Variants in DLGAP2 observed in about 807,000 individuals in gnomAD.
DLGAP2 encodes DLG associated protein 2, also known as disks large-associated protein 2.
Under a neutral mutation model 100.3 loss-of-function variants are expected in DLGAP2, and 26 were observed. The observed-to-expected ratio is 0.26, with a 90% CI of 0.19 to 0.36. The LOEUF (loss-of-function observed/expected upper bound fraction) is 0.36. DLGAP2 is among the 10% of genes least tolerant of loss of function. The probability of loss-of-function intolerance (pLI) is 1.00; values close to 1 mark genes in which losing one functional copy is unlikely to be tolerated. For synonymous variants in DLGAP2, 886 were observed against 630.1 expected (o/e 1.41, Z -6.08); for missense variants, 1,858 against 1,453.2 (o/e 1.28, Z -4.53).
chr8:1,464,202 ACAACACCC>A (rs1798543733), intron 3 of DLGAP2, among the ~76,000 whole-genome samples: 1 of 151,700 alleles, frequency 6.6e-6, no homozygotes, highest in Non-Finnish European at 1.5e-5. Flanking sequence ...CCCTTCCAGG[ACAACACCC>A]TTCCAGGACG....
chr8:797,405 G>T (rs1024775712), intron 1 of DLGAP2, among the ~76,000 whole-genome samples: 1 of 152,176 alleles, frequency 6.6e-6, no homozygotes, highest in Non-Finnish European at 1.5e-5. Flanking sequence ...TATTGTTGAT[G>T]ATCAATCTTC....
chr8:1,459,159 C>T (rs563653991), intron 3 of DLGAP2, among the ~76,000 whole-genome samples: 1 of 143,620 alleles, frequency 7.0e-6, no homozygotes, highest in African/African-American at 2.7e-5. Context: ...GACCAGCGTG[C>T]GTCCCAGACA....
chr8:1,137,538 A>G (rs1008746773), intron 2 of DLGAP2: 10 of 152,176 alleles, frequency 6.6e-5, no homozygotes, highest in African/African-American at 2.4e-4. Flanking sequence ...TGTTTAATTG[A>G]CTACGATGGG....
intron 3 of DLGAP2, among the ~76,000 whole-genome samples, chr8:1,276,117 T>C (rs1167012731): frequency 6.9e-6 from 1 of 144,538 alleles, no homozygotes; most frequent in Non-Finnish European, 1.5e-5. Flanking sequence ...ATATATATAA[T>C]ATATATAAAT....
intron 2 of DLGAP2, among the ~76,000 whole-genome samples, chr8:1,046,156 A>G (rs1802508831): frequency 6.6e-6 from 1 of 152,162 alleles, no homozygotes; most frequent in African/African-American, 2.4e-5. Context: ...ATTAGCAGAA[A>G]CCATATTTCT....
At chr8:1,130,396 C>T (rs1015688239) in intron 2 of DLGAP2, among the ~76,000 whole-genome samples, 1 of 152,166 alleles carries the variant, frequency 6.6e-6, no homozygotes, top group Non-Finnish European at 1.5e-5. Context: ...TGACGATTGA[C>T]ATTCAAAGTA....
intron 1 of DLGAP2, among the ~76,000 whole-genome samples, chr8:748,022 G>C (rs1213776635): frequency 4.7e-4 from 5 of 10,638 alleles, no homozygotes; most frequent in South Asian, 7.5e-3. Context: ...GGATGGGCGG[G>C]TCTGCGGTGG....
intron 3 of DLGAP2, among the ~76,000 whole-genome samples, chr8:1,418,002 A>G (rs1168664124): frequency 1.3e-5 from 2 of 152,334 alleles, no homozygotes; most frequent in Non-Finnish European, 1.5e-5. Context: ...CGTTTGGAGA[A>G]TGGGCTCTAC....
chr8:1,232,142 T>G (rs1334645935), intron 2 of DLGAP2, among the ~76,000 whole-genome samples: 1 of 152,170 alleles, frequency 6.6e-6, no homozygotes, highest in Non-Finnish European at 1.5e-5. Context: ...TCCAGCACTG[T>G]CCCCTTCACG....
At chr8:1,047,798 A>G (rs1802557191) in intron 2 of DLGAP2, among the ~76,000 whole-genome samples, 1 of 151,892 alleles carries the variant, frequency 6.6e-6, no homozygotes, top group East Asian at 1.9e-4. Flanking sequence ...ACCTCCTAAC[A>G]CCATCACCTT....
intron 2 of DLGAP2, among the ~76,000 whole-genome samples, chr8:1,060,580 A>G (rs1659674786): frequency 6.6e-6 from 1 of 151,252 alleles, no homozygotes; most frequent in Admixed American, 6.6e-5. Context: ...ATCCAGGATG[A>G]CCTCACCTCA....
At chr8:1,222,346 G>GAT (rs1798331365) in intron 2 of DLGAP2, among the ~76,000 whole-genome samples, 1 of 152,162 alleles carries the variant, frequency 6.6e-6, no homozygotes, top group East Asian at 1.9e-4. Flanking sequence ...GATTTCAAGG[G>GAT]ATAAAGGCTC....
chr8:1,028,818 T>C (rs142812488), intron 2 of DLGAP2, among the ~76,000 whole-genome samples: 260 of 152,334 alleles, frequency 1.7e-3, no homozygotes, highest in African/African-American at 6.1e-3. Flanking sequence ...AGTTGCATTT[T>C]CAGAAGCTCC....
intron 3 of DLGAP2, among the ~76,000 whole-genome samples, chr8:1,423,448 G>C (rs1438278291): frequency 6.6e-6 from 1 of 152,210 alleles, no homozygotes; most frequent in Non-Finnish European, 1.5e-5. Context: ...CGCGAGGTCT[G>C]ATGACCACTG....
intron 2 of DLGAP2, among the ~76,000 whole-genome samples, chr8:1,138,710 G>C (rs374298030): frequency 6.6e-6 from 1 of 152,258 alleles, no homozygotes; most frequent in Non-Finnish European, 1.5e-5. Flanking sequence ...CTGCAGCGGT[G>C]CCTTCTCTTC....
intron 2 of DLGAP2, among the ~76,000 whole-genome samples, chr8:946,503 T>A (rs1799329147): frequency 6.6e-6 from 1 of 152,172 alleles, no homozygotes; most frequent in Non-Finnish European, 1.5e-5. Context: ...GACCTTGTGA[T>A]CTGCCCGCCT....
intron 3 of DLGAP2, among the ~76,000 whole-genome samples, chr8:1,464,175 ACCCG>A (rs1798541595): frequency 1.2e-5 from 1 of 82,336 alleles, no homozygotes. Flanking sequence ...CCAGGACAGC[ACCCG>A]TCCAGGACAG....
intron 3 of DLGAP2, among the ~76,000 whole-genome samples, chr8:1,275,827 A>ATAT (rs1799673366): frequency 4.5e-5 from 2 of 44,620 alleles, no homozygotes; most frequent in Non-Finnish European, 8.9e-5. Flanking sequence ...AATATATAAA[A>ATAT]ATAAATATAT....
chr8:1,676,200 T>G (rs1004739946), intron 10 of DLGAP2, among the ~76,000 whole-genome samples: 1 of 152,224 alleles, frequency 6.6e-6, no homozygotes, highest in African/African-American at 2.4e-5. Context: ...CCATAGGGCG[T>G]GATAAGAGCT....
Sources: gnomAD v4.1 joint callset for allele counts (sites outside exome capture counted in the v4.1 genomes callset) on GRCh38, gnomAD v4.1.1 for gene constraint, MANE v1.5 for transcripts, NCBI Gene and HGNC (gene_info 2026-07-23, HGNC 2026-07-21) for gene names.